Variants in UTRN observed in about 807,000 individuals in gnomAD.
The protein encoded by UTRN is dystrophin-related protein 1.
A neutral mutation model predicts 463.9 loss-of-function variants in UTRN; 283 were observed. The observed-to-expected ratio is 0.61, with a 90% CI of 0.55 to 0.67. The LOEUF is 0.67. UTRN is among the 30% of genes least tolerant of loss of function. The probability of loss-of-function intolerance (pLI) is 0.00; values close to 1 mark genes in which losing one functional copy is unlikely to be tolerated. For missense variants in UTRN, 3,922 were observed against 4,084.3 expected (o/e 0.96, Z 1.08); for synonymous variants, 1,442 against 1,431.5 (o/e 1.01, Z -0.17).
intron 2 of UTRN, among the ~76,000 whole-genome samples, chr6:144,333,877 G>A (rs186468104): frequency 8.5e-5 from 13 of 152,068 alleles, no homozygotes; most frequent in Admixed American, 5.2e-4. Context: ...TTATTCATTC[G>A]TTCAGTAAAT....
chr6:144,644,336 C>T (rs1474806088), intron 51 of UTRN, among the ~76,000 whole-genome samples: 3 of 152,056 alleles, frequency 2.0e-5, no homozygotes, highest in African/African-American at 7.2e-5. Context: ...TACATAGGTT[C>T]AATACTTTTC....
At chr6:144,703,104 G>A (rs1784753158) in intron 53 of UTRN, among the ~76,000 whole-genome samples, 1 of 152,276 alleles carries the variant, frequency 6.6e-6, no homozygotes, top group East Asian at 1.9e-4. Flanking sequence ...AAGAGTAACT[G>A]CTTTCTGAAG....
At chr6:144,646,015 T>C (rs1778265398) in intron 51 of UTRN, among the ~76,000 whole-genome samples, 1 of 152,206 alleles carries the variant, frequency 6.6e-6, no homozygotes, top group Non-Finnish European at 1.5e-5. Flanking sequence ...CTTGTTGATC[T>C]TTCATATGGG....
At chr6:144,557,694 C>A (rs80306208) in intron 50 of UTRN, among the ~76,000 whole-genome samples, 1 of 151,886 alleles carries the variant, frequency 6.6e-6, no homozygotes, top group African/African-American at 2.4e-5. Context: ...ATTGGAATAG[C>A]GTGCTATTTG....
intron 14 of UTRN, among the ~76,000 whole-genome samples, chr6:144,446,341 A>T (rs1413347192): frequency 6.6e-6 from 1 of 152,166 alleles, no homozygotes; most frequent in Non-Finnish European, 1.5e-5. Context: ...TACCAGCCTC[A>T]CTAGACTGAG....
chr6:144,421,282 G>A (rs554743565), intron 3 of UTRN, among the ~76,000 whole-genome samples: 27 of 152,060 alleles, frequency 1.8e-4, no homozygotes, highest in Non-Finnish European at 2.4e-4. Context: ...CATGAACCAC[G>A]ATGCCCAACA....
chr6:144,631,237 GGTGTGTGTGT>G (rs67332744), intron 51 of UTRN, among the ~76,000 whole-genome samples: 22,907 of 147,444 alleles, frequency 0.16, 2,123 homozygotes, highest in Admixed American at 0.27. Context: ...GAGAGAGAGA[GGTGTGTGTGT>G]GTGTGTGTGT....
chr6:144,781,585 T>C (rs756203368), intron 60 of UTRN, among the ~76,000 whole-genome samples: 2 of 152,038 alleles, frequency 1.3e-5, no homozygotes, highest in African/African-American at 4.8e-5. Context: ...TGGAGTAGAT[T>C]GAGAGATTTA....
rs1282138614 is a variant in UTRN, at chr6:144,493,499, CTCTCTCTCTCAA to C, written c.4593+54_4593+65del. 11 of 1,569,628 alleles carry C rather than the reference CTCTCTCTCTCAA, an allele frequency of 7.0e-6. No homozygotes were observed. The Admixed American group carries it at 1.9e-4, about 28-fold the overall frequency. On this transcript the variant is annotated intron_variant, in intron 33 of 74. Coordinates refer to ENST00000367545, the MANE Select transcript of UTRN (RefSeq NM_007124.3). ...ACAGCTCATCTCTCTGTCTCTCTCT[CTCTCTCTCTCAA>C]TCTCTCTCTCTCTCTCGTTCTCTCT...
chr6:144,302,142 G>A (rs1368117783), intron 2 of UTRN, among the ~76,000 whole-genome samples: 2 of 152,146 alleles, frequency 1.3e-5, no homozygotes, highest in East Asian at 1.9e-4. Context: ...GCTTGTGTAT[G>A]TCTATATGCC....
At chr6:144,824,774 G>C (rs1443726906) in intron 66 of UTRN, among the ~76,000 whole-genome samples, 5 of 77,334 alleles carry the variant, frequency 6.5e-5, no homozygotes, top group East Asian at 1.1e-3. Flanking sequence ...AGTTGGTGGT[G>C]GGGGGGGGTG....
rs886693398 is a variant in UTRN, at chr6:144,462,659, T to G, written c.2859T>G (p.Leu953=). 6.2e-7 allele frequency: 1 copy of G among 1,601,518 alleles called. No individual in the cohort carries two copies. The highest frequency in any genetic ancestry group is 8.5e-7 in the Non-Finnish European group (1 of 1,176,974). Residue 953 remains leucine, a synonymous_variant, in exon 23 of 75, where the codon CTT becomes CTG. Transcript: ENST00000367545. ...TCTTTTAAAACTTTTTCCAGACCCT[T>G]GATGAAATCCTTGAGAATCAGAAAC... ...VEKALQEKKT[L]DEILENQKPA...
chr6:144,792,993 A>T (rs1178152789), intron 62 of UTRN, among the ~76,000 whole-genome samples: 2 of 152,178 alleles, frequency 1.3e-5, no homozygotes, highest in Non-Finnish European at 2.9e-5. Flanking sequence ...ATATGCACAA[A>T]TTTTTAAATT....
chr6:144,408,369 C>T (rs1370060837), intron 3 of UTRN, among the ~76,000 whole-genome samples: 1 of 152,246 alleles, frequency 6.6e-6, no homozygotes, highest in Non-Finnish European at 1.5e-5. Context: ...GGGAAATTTG[C>T]TCTGACTTTG....
At chr6:144,671,910 G>C (rs1781079521) in intron 51 of UTRN, among the ~76,000 whole-genome samples, 1 of 150,288 alleles carries the variant, frequency 6.7e-6, no homozygotes, top group South Asian at 2.1e-4. Flanking sequence ...TGGCTATTGA[G>C]ATGACCATGT....
At chr6:144,469,058 G>A (rs1030211505) in intron 23 of UTRN, among the ~76,000 whole-genome samples, 7 of 152,018 alleles carry the variant, frequency 4.6e-5, no homozygotes, top group Non-Finnish European at 1.0e-4. Flanking sequence ...TAAAGGATGG[G>A]CCTTTCCTTC....
At chr6:144,386,250 C>T (rs891673212) in intron 2 of UTRN, among the ~76,000 whole-genome samples, 50 of 152,118 alleles carry the variant, frequency 3.3e-4, no homozygotes, top group African/African-American at 1.2e-3. Context: ...CTGCTTGAGC[C>T]CCGGAGTTCG....
chr6:144,604,613 A>G (rs1483066064), intron 51 of UTRN, among the ~76,000 whole-genome samples: 1 of 152,076 alleles, frequency 6.6e-6, no homozygotes, highest in Non-Finnish European at 1.5e-5. Context: ...TTGAATATTA[A>G]AGTTTGATAG....
chr6:144,717,757 T>TC (rs1786666359), intron 53 of UTRN, among the ~76,000 whole-genome samples: 1 of 146,794 alleles, frequency 6.8e-6, no homozygotes, highest in Admixed American at 7.0e-5. Context: ...TGCCTCAGCC[T>TC]CCCAAGTAGC....
Sources: gnomAD v4.1 joint callset for allele counts (sites outside exome capture counted in the v4.1 genomes callset) on GRCh38, gnomAD v4.1.1 for gene constraint, MANE v1.5 for transcripts, NCBI Gene and HGNC (gene_info 2026-07-23, HGNC 2026-07-21) for gene names.